Variants in MC2R observed in about 807,000 individuals in gnomAD.
The protein encoded by MC2R is adrenocorticotropic hormone receptor.
MC2R carries 9 observed loss-of-function variants against 9.8 expected under a neutral mutation model. That is an observed-to-expected ratio of 0.92 (90% CI 0.55 to 1.60). The LOEUF (loss-of-function observed/expected upper bound fraction) is 1.60, where lower values mean the gene tolerates loss of function less well. MC2R is among the 40% of genes most tolerant of loss of function. The pLI is 0.00. For missense variants in MC2R, 370 were observed against 389.0 expected, an observed-to-expected ratio of 0.95 and a Z score of 0.41; for synonymous variants, 185 against 154.7, an observed-to-expected ratio of 1.20 and a Z score of -1.45.
At chr18:13,898,350 C>T (rs187175470) in intron 1 of MC2R, among the ~76,000 whole-genome samples, 3 of 152,296 alleles carry the variant, frequency 2.0e-5, no homozygotes. Context: ...GTCAGCTCAG[C>T]CACAGACAAT....
At chr18:13,910,703 C>G (rs2045439419) in intron 1 of MC2R, among the ~76,000 whole-genome samples, 1 of 152,192 alleles carries the variant, frequency 6.6e-6, no homozygotes, top group Non-Finnish European at 1.5e-5. Context: ...TGGTCTAGTC[C>G]TGGCTGGGCT....
chr18:13,913,152 G>A (rs2045455484), intron 1 of MC2R, among the ~76,000 whole-genome samples: 1 of 149,240 alleles, frequency 6.7e-6, no homozygotes, highest in African/African-American at 2.5e-5. Context: ...TTTTGCAGGA[G>A]CTCACAGCTA....
chr18:13,908,201 AAT>A (rs2045424459), intron 1 of MC2R, among the ~76,000 whole-genome samples: 2 of 152,202 alleles, frequency 1.3e-5, no homozygotes, highest in African/African-American at 4.8e-5. Flanking sequence ...AACCATAAAG[AAT>A]GAAATCTTGT....
chr18:13,913,204 C>T (rs1189205884), intron 1 of MC2R, among the ~76,000 whole-genome samples: 2 of 151,992 alleles, frequency 1.3e-5, no homozygotes, highest in African/African-American at 4.8e-5. Flanking sequence ...GGTTGGAAAT[C>T]AGTGTGATGC....
chr18:13,889,428 G>A (rs773176726), intron 1 of MC2R, among the ~76,000 whole-genome samples: 12 of 152,234 alleles, frequency 7.9e-5, no homozygotes, highest in East Asian at 1.9e-4. Flanking sequence ...GCCTGAAGGC[G>A]TAGGTCTTGG....
rs564742831 is a variant in MC2R at position 13,914,240 on chromosome 18, C to T, written c.-129+1248G>A. On this transcript the variant is annotated intron_variant, in intron 1 of 1. Coordinates refer to ENST00000327606, the MANE Select transcript of MC2R (RefSeq NM_000529.2). Reference sequence around the variant, plus strand: ...TCCTCCACCCCTGCCGCGGCCTAAGCGGTGTCCCAAAGGCAGGGTGAGGGC... The same window carrying T: ...TCCTCCACCCCTGCCGCGGCCTAAGTGGTGTCCCAAAGGCAGGGTGAGGGC... Among the ~76,000 whole-genome samples the T allele has an allele frequency of 3.9e-4, 60 of 152,244 alleles. 3 individuals are homozygous for T. In the South Asian group the frequency reaches 0.012, roughly 31 times the overall value.
In MC2R at chr18:13,885,521, C is replaced by G; in HGVS notation, c.-3G>C. The G allele has an allele frequency of 6.2e-7, 1 of 1,614,124 alleles. No individual in the cohort carries two copies. The highest frequency in any genetic ancestry group is 1.3e-5 in the African/African-American group (1 of 75,028). On this transcript the variant is annotated 5_prime_UTR_variant, in exon 2 of 2. Coordinates refer to ENST00000327606, the MANE Select transcript of MC2R (RefSeq NM_000529.2). ...TACGAGTTGATAATGTGCTTCATTT[C>G]TCCTGCTTGTGGTTAAGGCGGGGAT...
chr18:13,885,171 G>A lies in MC2R; in HGVS notation c.348C>T (p.Gly116=). ...CAATCACAGACAGGCTGAAGATGGA[G>A]CCAAGCAGGGAGAGGACAAACAGGG... The part of the protein sequence containing the change: ...IDSLFVLSLL[G]SIFSLSVIAA... Residue 116 remains glycine (G), a synonymous_variant, in exon 2 of 2, where the codon GGC becomes GGT. Transcript: ENST00000327606. The A allele has an allele frequency of 6.2e-7, 1 of 1,614,200 alleles. No individual in the cohort carries two copies. Among genetic ancestry groups the A allele is most frequent in the Non-Finnish European group, 8.5e-7 (1 of 1,180,044 alleles).
Position 13,883,613 on chromosome 18 carries a change from ACACACACACACACACTCTCTCTCTCT to A in MC2R, c.*986_*1011del, listed in dbSNP as rs1252779491. ...CACACACACACACACACACACACAC[ACACACACACACACACTCTCTCTCTCT>A]CTCTCTCTCTCTCTCTCTGTCTGTC... On this transcript the variant is annotated 3_prime_UTR_variant, in exon 2 of 2. Transcript: ENST00000327606. The A allele has an allele frequency of 9.6e-6, 1 of 104,232 alleles. No individual in the cohort carries two copies. The highest frequency in any genetic ancestry group is 4.0e-5 in the African/African-American group (1 of 25,064). The allele number at this position is 104,232 out of a possible 1,614,324, so 6.5% of individuals were successfully genotyped here.
Position 13,884,819 on chromosome 18 carries a change from G to C in MC2R, c.700C>G (p.Pro234Ala). 2.5e-6 allele frequency: 4 copies of C among 1,614,024 alleles called. No homozygotes were observed. Among genetic ancestry groups the C allele is most frequent in the Non-Finnish European group, 3.4e-6 (4 of 1,180,026 alleles). Residue 234 changes from proline to alanine, a missense_variant, in exon 2 of 2, where the codon CCC becomes GCC. Physicochemically the swap from Pro to Ala is conservative, Grantham distance 27. Transcript: ENST00000327606. ...LLGVFIFCWA[P>A]FVLHVLLMTF... The stretch of plus-strand genomic sequence containing the variant: ...ATCAAGAGGACATGAAGCACAAAGG[G>C]GGCCCAGCAGAAGATGAAGACCCCG...
rs149161443 is a variant in MC2R at position 13,885,096 on chromosome 18, G to T, written c.423C>A (p.Ile141=). Residue 141 remains isoleucine (I), a synonymous_variant, in exon 2 of 2, where the codon ATC becomes ATA. Transcript: ENST00000327606. ...CCACCACAGTGCGGCGCATGGTCAC[G>T]ATGCTGTGGTACCGCAGTGCGTGGA... ...TIFHALRYHS[I]VTMRRTVVVL... is the part of the protein sequence containing the mutation. The T allele has an allele frequency of 6.2e-7, 1 of 1,614,048 alleles. No homozygotes were observed. The highest frequency in any genetic ancestry group is 8.5e-7 in the Non-Finnish European group (1 of 1,180,036).
rs67239935 is a variant in MC2R at position 13,883,576 on chromosome 18, TACACACACACACACACACACAC to T, written c.*1027_*1048del. The stretch of plus-strand genomic sequence containing the variant: ...CCATAGTCCAAAAGCATGGGGAAAA[TACACACACACACACACACACAC>T]ACACACACACACACACACACACACA... On this transcript the variant is annotated 3_prime_UTR_variant, in exon 2 of 2. Transcript: ENST00000327606. The T allele has an allele frequency of 2.5e-5, 3 of 118,572 alleles. No individual in the cohort carries two copies. Among genetic ancestry groups the T allele is most frequent in the Admixed American group, 8.7e-5 (1 of 11,462 alleles). The allele number at this position is 118,572 out of a possible 1,614,324, so 7.3% of individuals were successfully genotyped here. A position where few individuals can be genotyped will look rare whatever the true frequency, so the allele number is the denominator to read the frequency against.
In MC2R at chr18:13,885,657, G is replaced by A. The variant is rs2045271889; in HGVS notation, c.-128-11C>T. 4.2e-6 allele frequency: 4 copies of A among 953,892 alleles called. No homozygotes were observed. The highest frequency in any genetic ancestry group is 4.7e-5 in the Admixed American group (2 of 42,132). 59.1% of individuals were successfully genotyped at this position (953,892 alleles called of 1,614,324 possible). A position where few individuals can be genotyped will look rare whatever the true frequency, so the allele number is the denominator to read the frequency against. On this transcript the variant is annotated splice_polypyrimidine_tract_variant and intron_variant, in intron 1 of 1. Coordinates refer to ENST00000327606, the MANE Select transcript of MC2R (RefSeq NM_000529.2). ...AAATCTCCCAATCACCTAAAAGGGA[G>A]TATACAGAAATATTAGTTGCAAAGT...
At chr18:13,900,123 G>T (rs937512261) in intron 1 of MC2R, among the ~76,000 whole-genome samples, 4 of 152,094 alleles carry the variant, frequency 2.6e-5, no homozygotes, top group African/African-American at 9.7e-5. Flanking sequence ...TGAAGTTAAG[G>T]TGTCGAGTTT....
At chr18:13,898,648 C>T (rs2045361054) in intron 1 of MC2R, among the ~76,000 whole-genome samples, 2 of 152,184 alleles carry the variant, frequency 1.3e-5, no homozygotes, top group Admixed American at 6.5e-5. Flanking sequence ...TCACTCCACC[C>T]CCAGATTTAG....
chr18:13,884,913 G>A lies in MC2R; in HGVS notation c.606C>T (p.Ser202=), dbSNP rs774724196. 1.7e-5 allele frequency: 27 copies of A among 1,613,796 alleles called. No homozygotes were observed. Among genetic ancestry groups the A allele is most frequent in the Non-Finnish European group, 2.3e-5 (27 of 1,179,988 alleles). ...LYVHMFLLAR[S]HTRKISTLPR... is the part of the protein sequence containing the mutation. ...GGAGGGTGGAGATCTTCCTGGTGTG[G>A]GATCGAGCCAGCAGGAACATGTGCA... Residue 202 remains serine, a synonymous_variant, in exon 2 of 2, where the codon TCC becomes TCT. Transcript: ENST00000327606.
intron 1 of MC2R, among the ~76,000 whole-genome samples, chr18:13,894,842 T>C (rs1463734871): frequency 6.6e-6 from 1 of 152,252 alleles, no homozygotes; most frequent in Non-Finnish European, 1.5e-5. Context: ...CATATATTTG[T>C]TTAAGCCCAA....
chr18:13,890,509 G>A (rs2045309563), intron 1 of MC2R, among the ~76,000 whole-genome samples: 1 of 152,112 alleles, frequency 6.6e-6, no homozygotes, highest in Non-Finnish European at 1.5e-5. Context: ...TTCTGGTGGT[G>A]GGAGCTGTCA....
In MC2R at chr18:13,883,676, C is replaced by T. The variant is rs1444514789; in HGVS notation, c.*949G>A. ...TCTCTCTGTCTGTCTCTGTCTCTCT[C>T]TCTTTATTTCTTAAAATACATGTTG... is the stretch of plus-strand genomic sequence containing the variant. On this transcript the variant is annotated 3_prime_UTR_variant, in exon 2 of 2. Coordinates refer to ENST00000327606, the MANE Select transcript of MC2R (RefSeq NM_000529.2). The T allele has an allele frequency of 6.6e-6, 1 of 151,908 alleles. No individual in the cohort carries two copies. Among genetic ancestry groups the T allele is most frequent in the Admixed American group, 6.6e-5 (1 of 15,248 alleles). 9.4% of individuals were successfully genotyped at this position (151,908 alleles called of 1,614,324 possible). A position where few individuals can be genotyped will look rare whatever the true frequency, so the allele number is the denominator to read the frequency against.
Sources: gnomAD v4.1 joint callset for allele counts (sites outside exome capture counted in the v4.1 genomes callset) on GRCh38, gnomAD v4.1.1 for gene constraint, MANE v1.5 for transcripts, NCBI Gene and HGNC (gene_info 2026-07-23, HGNC 2026-07-21) for gene names.